Variants in UBR1 observed in about 807,000 individuals in gnomAD.
The protein encoded by UBR1 is E3 ubiquitin-protein ligase UBR1.
Under a neutral mutation model 242.1 loss-of-function variants are expected in UBR1, and 102 were observed. That is an observed-to-expected ratio of 0.42 (90% CI 0.36 to 0.50). The LOEUF (loss-of-function observed/expected upper bound fraction) is 0.50. Among genes scored for constraint, UBR1 ranks in the 20% least tolerant of loss-of-function variants. The pLI is 0.01. For synonymous variants in UBR1, 675 were observed against 684.8 expected (o/e 0.99, Z 0.22); for missense variants, 1,772 against 2,101.8 (o/e 0.84, Z 3.07).
At chr15:43,047,512 C>A (rs566889198) in intron 13 of UBR1, among the ~76,000 whole-genome samples, 2 of 152,252 alleles carry the variant, frequency 1.3e-5, no homozygotes, top group African/African-American at 4.8e-5. Context: ...TGACCCTGGG[C>A]AAATTATTTC....
At chr15:43,100,352 T>C (rs1383384563) in intron 1 of UBR1, among the ~76,000 whole-genome samples, 2 of 152,178 alleles carry the variant, frequency 1.3e-5, no homozygotes, top group African/African-American at 4.8e-5. Context: ...TGGCTTTTAT[T>C]ACCTCCCTGT....
At chr15:42,982,256 T>C (rs1015779349) in intron 37 of UBR1, among the ~76,000 whole-genome samples, 6 of 152,182 alleles carry the variant, frequency 3.9e-5, no homozygotes, top group Non-Finnish European at 5.9e-5. Flanking sequence ...AGTAAATATC[T>C]AAATTATGAC....
intron 15 of UBR1, among the ~76,000 whole-genome samples, chr15:43,039,796 T>C (rs2033391884): frequency 6.6e-6 from 1 of 152,194 alleles, no homozygotes; most frequent in African/African-American, 2.4e-5. Context: ...GCCCTTTCAG[T>C]ATGATATTGG....
intron 14 of UBR1, among the ~76,000 whole-genome samples, chr15:43,045,418 G>C (rs1357349674): frequency 2.0e-5 from 3 of 152,142 alleles, no homozygotes; most frequent in African/African-American, 7.2e-5. Context: ...AGTGAGCCAT[G>C]ATAGCGCCAC....
At chr15:43,082,804 C>T (rs2141357915) in intron 2 of UBR1, 88 bp from the exon 3 acceptor site, 2 of 950,598 alleles carry the variant, frequency 2.1e-6, no homozygotes, top group African/African-American at 1.6e-5. Context: ...GAACAAGTTT[C>T]CTCTATGGTA....
intron 22 of UBR1, among the ~76,000 whole-genome samples, chr15:43,027,517 T>A (rs2033193346): frequency 6.6e-6 from 1 of 152,098 alleles, no homozygotes. Context: ...ATCAGAAAAG[T>A]TCATTTACTT....
intron 46 of UBR1, among the ~76,000 whole-genome samples, chr15:42,949,248 C>G (rs1399105530): frequency 8.1e-6 from 1 of 122,780 alleles, no homozygotes; most frequent in Non-Finnish European, 1.6e-5. Context: ...ATGGACATAG[C>G]AAGGGGAACA....
At chr15:42,978,871 G>A (rs2141268516) in intron 37 of UBR1, among the ~76,000 whole-genome samples, 1 of 149,876 alleles carries the variant, frequency 6.7e-6, no homozygotes, top group South Asian at 2.1e-4. Context: ...TGGGATTGCA[G>A]GCACGCGCCA....
At position 43,026,468 on chromosome 15, in the gene UBR1, G is replaced by C. The variant is rs2033179184; in HGVS notation, c.2535+93C>G. On this transcript the variant is annotated intron_variant, in intron 23 of 46. Coordinates refer to ENST00000290650, the MANE Select transcript of UBR1 (RefSeq NM_174916.3). ...TAATGACCTCTATTAATAAGAACCA[G>C]CGTGAAACTATAGAAAAAGCAGAAA... 7 of 983,494 alleles carry C rather than the reference G, an allele frequency of 7.1e-6. No homozygotes were observed. In the South Asian group the frequency reaches 8.0e-5, roughly 11 times the overall value. The allele number at this position is 983,494 out of a possible 1,614,324, so 60.9% of individuals were successfully genotyped here.
At chr15:43,085,397 T>A (rs1222918913) in intron 2 of UBR1, among the ~76,000 whole-genome samples, 1 of 152,206 alleles carries the variant, frequency 6.6e-6, no homozygotes, top group African/African-American at 2.4e-5. Flanking sequence ...AATTTATCAC[T>A]GACATTCCGT....
At chr15:43,014,839 G>A (rs1479676284) in intron 29 of UBR1, among the ~76,000 whole-genome samples, 1 of 150,528 alleles carries the variant, frequency 6.6e-6, no homozygotes, top group Non-Finnish European at 1.5e-5. Context: ...GGAGGTGGGG[G>A]TCAGCCCCCG....
intron 33 of UBR1, among the ~76,000 whole-genome samples, chr15:42,990,967 T>G (rs1376442476): frequency 6.6e-6 from 1 of 152,030 alleles, no homozygotes; most frequent in Non-Finnish European, 1.5e-5. Flanking sequence ...TTTAATCTTT[T>G]TTTTTTTTTC....
At chr15:42,964,744 C>G (rs1030033395) in intron 41 of UBR1, among the ~76,000 whole-genome samples, 1 of 152,180 alleles carries the variant, frequency 6.6e-6, no homozygotes, top group African/African-American at 2.4e-5. Flanking sequence ...TCTGTGACTA[C>G]GTCAAACGAA....
At position 42,943,926 on chromosome 15, in the gene UBR1, T is replaced by A. The variant is rs540683576; in HGVS notation, c.*1403A>T. The A allele has an allele frequency of 4.1e-4, 62 of 152,504 alleles. 1 individual carries two copies. The Middle Eastern group carries it at 0.01, about 25-fold the overall frequency. 9.4% of individuals were successfully genotyped at this position (152,504 alleles called of 1,614,324 possible). A position where few individuals can be genotyped will look rare whatever the true frequency, so the allele number is the denominator to read the frequency against. ...CCAATCCCTTACTGCAAAATCCACT[T>A]TTCTTTACATAAAAGTACCAAAAAA... On this transcript the variant is annotated 3_prime_UTR_variant, in exon 47 of 47. Transcript: ENST00000290650.
chr15:43,014,307 G>A (rs1418756521), intron 29 of UBR1, among the ~76,000 whole-genome samples: 11 of 152,140 alleles, frequency 7.2e-5, no homozygotes, highest in South Asian at 2.1e-4. Context: ...CCGCCACCCC[G>A]TCTGGGAAGT....
At chr15:42,988,728 C>A in intron 35 of UBR1, 91 bp downstream of exon 35, 1 of 1,528,624 alleles carries the variant, frequency 6.5e-7, no homozygotes, top group South Asian at 1.1e-5. Flanking sequence ...TCAAATTATT[C>A]TGGGCCATCA....
In UBR1 at chr15:43,037,830, C is replaced by G; in HGVS notation, c.1965G>C (p.Leu655Phe). ...LVEYPLRCLV[L>F]VAQVVAEMWR... ...ACATCTCAGCAACAACCTGGGCAAC[C>G]AACACCAGACAACGTAAAGGATATT... Residue 655 changes from leucine (L) to phenylalanine (F), a missense_variant, in exon 17 of 47, where the codon TTG becomes TTC. This residue lies in a region of UBR1 where 734 missense variants were observed against 893.3 expected (regional missense o/e 0.82). Coordinates refer to ENST00000290650, the MANE Select transcript of UBR1 (RefSeq NM_174916.3). 3 of 1,614,102 alleles carry G rather than the reference C, an allele frequency of 1.9e-6. No homozygotes were observed. Among genetic ancestry groups the G allele is most frequent in the Non-Finnish European group, 2.5e-6 (3 of 1,180,022 alleles).
intron 3 of UBR1, among the ~76,000 whole-genome samples, 160 bp downstream of exon 3, chr15:43,082,478 A>G (rs1435974245): frequency 6.6e-6 from 1 of 152,154 alleles, no homozygotes; most frequent in Non-Finnish European, 1.5e-5. Flanking sequence ...TCTTTTCTGT[A>G]AAGCAACACA....
At chr15:42,995,071 TA>T (rs1181444664) in intron 33 of UBR1, among the ~76,000 whole-genome samples, 1 of 152,230 alleles carries the variant, frequency 6.6e-6, no homozygotes, top group African/African-American at 2.4e-5. Flanking sequence ...TAAAAGATAC[TA>T]ATCACTCTTA....
Sources: gnomAD v4.1 joint callset for allele counts (sites outside exome capture counted in the v4.1 genomes callset) on GRCh38, gnomAD v4.1.1 for gene constraint, gnomAD v4.1.1 regional missense constraint, MANE v1.5 for transcripts, NCBI Gene and HGNC (gene_info 2026-07-23, HGNC 2026-07-21) for gene names.